Variants in AHCTF1 observed in about 807,000 individuals in gnomAD.
AHCTF1 encodes the protein protein ELYS.
Under a neutral mutation model 248.4 loss-of-function variants are expected in AHCTF1, and 24 were observed. That is an observed-to-expected ratio of 0.10 (90% CI 0.07 to 0.14). The LOEUF is 0.14. AHCTF1 is among the 10% of genes least tolerant of loss of function. AHCTF1 has a pLI of 1.00. For missense variants in AHCTF1, 2,206 were observed against 2,636.2 expected (o/e 0.84, Z 3.57); for synonymous variants, 786 against 929.8 (o/e 0.85, Z 2.81).
At position 246,840,230 on chromosome 1, in the gene AHCTF1, A is replaced by C. The variant is rs1325981548; in HGVS notation, c.*576T>G. ...AACATTATAGTTAACCAATACTTGG[A>C]TTATTCATTTGAGGTAGATTACACA... On this transcript the variant is annotated 3_prime_UTR_variant, in exon 36 of 36. Coordinates refer to ENST00000648844, the MANE Select transcript of AHCTF1 (RefSeq NM_001323342.2). The C allele has an allele frequency of 6.6e-6, 1 of 152,662 alleles. No homozygotes were observed. The highest frequency in any genetic ancestry group is 2.4e-5 in the African/African-American group (1 of 41,460). The allele number at this position is 152,662 out of a possible 1,614,324, so 9.5% of individuals were successfully genotyped here.
At chr1:246,884,655 CTATG>C (rs57811947) in intron 21 of AHCTF1, among the ~76,000 whole-genome samples, 40,081 of 151,838 alleles carry the variant, frequency 0.26, 5,378 homozygotes, top group Admixed American at 0.3. Context: ...CTCACAGTTA[CTATG>C]TGAGACTGTA....
chr1:246,900,560 T>C, intron 8 of AHCTF1, 91 bp from the exon 9 acceptor site: 1 of 1,359,946 alleles, frequency 7.4e-7, no homozygotes. Flanking sequence ...TCTCATAAAT[T>C]AAGCGGTTTA....
intron 14 of AHCTF1, among the ~76,000 whole-genome samples, chr1:246,893,649 G>C (rs1664368814): frequency 6.6e-6 from 1 of 152,116 alleles, no homozygotes; most frequent in African/African-American, 2.4e-5. Context: ...CAATAATAAC[G>C]ACATCTATCC....
intron 1 of AHCTF1, among the ~76,000 whole-genome samples, chr1:246,923,677 G>C (rs1666733231): frequency 6.6e-6 from 1 of 152,212 alleles, no homozygotes; most frequent in South Asian, 2.1e-4. Flanking sequence ...TGAAGTGGTG[G>C]AAGTGACACA....
chr1:246,931,089 G>A, intron 1 of AHCTF1: 2 of 1,546,282 alleles, frequency 1.3e-6, no homozygotes, highest in Non-Finnish European at 1.7e-6. Flanking sequence ...CCTCACGGCT[G>A]AGCCCCGAGT....
At chr1:246,859,281 C>T (rs1418405031) in intron 29 of AHCTF1, among the ~76,000 whole-genome samples, 1 of 152,122 alleles carries the variant, frequency 6.6e-6, no homozygotes, top group African/African-American at 2.4e-5. Context: ...CTTTAAATAA[C>T]CTTGTTAAAA....
chr1:246,857,957 C>T (rs1661221379), intron 29 of AHCTF1, 143 bp from the exon 30 acceptor site: 4 of 454,914 alleles, frequency 8.8e-6, no homozygotes, highest in Non-Finnish European at 1.0e-5. Context: ...ACTGCTAACA[C>T]TTTCTTCTTT....
intron 24 of AHCTF1, among the ~76,000 whole-genome samples, chr1:246,869,088 C>A (rs550750308): frequency 1.1e-4 from 17 of 151,188 alleles, no homozygotes; most frequent in Non-Finnish European, 1.0e-4. Context: ...TCGTGATCCG[C>A]CCGCCTTGGC....
intron 31 of AHCTF1, among the ~76,000 whole-genome samples, chr1:246,853,574 T>C (rs1321031618): frequency 1.3e-5 from 2 of 152,228 alleles, no homozygotes; most frequent in Admixed American, 1.3e-4. Flanking sequence ...TTCAGGTGCT[T>C]GTTCCTTATT....
intron 1 of AHCTF1, among the ~76,000 whole-genome samples, chr1:246,928,691 G>A (rs1040960840): frequency 1.3e-5 from 2 of 152,124 alleles, no homozygotes; most frequent in East Asian, 3.9e-4. Context: ...TGCAGTAACT[G>A]AATTCCACCA....
chr1:246,918,413 A>G (rs375335803), intron 1 of AHCTF1, 36 bp from the exon 2 acceptor site: 13 of 1,572,226 alleles, frequency 8.3e-6, no homozygotes, highest in Non-Finnish European at 1.1e-5. Flanking sequence ...TTATTATGAC[A>G]CATTTGTAGA....
At chr1:246,902,895 A>G (rs1440216006) in intron 7 of AHCTF1, among the ~76,000 whole-genome samples, 1 of 152,216 alleles carries the variant, frequency 6.6e-6, no homozygotes, top group African/African-American at 2.4e-5. Context: ...CAAGTCTTCT[A>G]AAGTTATTTA....
chr1:246,872,692 C>T (rs1662682709), intron 24 of AHCTF1, among the ~76,000 whole-genome samples: 1 of 152,186 alleles, frequency 6.6e-6, no homozygotes, highest in African/African-American at 2.4e-5. Flanking sequence ...AAAGCTCCTT[C>T]CCATCGCACT....
Position 246,894,675 on chromosome 1 carries a change from C to T in AHCTF1, c.1788G>A (p.Glu596=), listed in dbSNP as rs756889770. 5.6e-6 allele frequency: 9 copies of T among 1,612,676 alleles called. No individual in the cohort carries two copies. Among genetic ancestry groups the T allele is most frequent in the East Asian group, 4.5e-5 (2 of 44,870 alleles). ...WTWNKVVLTK[E]EFDRLCVPLF... is the part of the protein sequence containing the mutation. ...AATACTTACATAGTCTGTCAAATTC[C>T]TCTTTTGTGAGAACCACTTTATTCC... Residue 596 remains glutamate, a synonymous_variant, in exon 14 of 36, where the codon GAG becomes GAA. Coordinates refer to ENST00000648844, the MANE Select transcript of AHCTF1 (RefSeq NM_001323342.2).
chr1:246,900,387 C>G lies in AHCTF1; in HGVS notation c.1200G>C (p.Gly400=). The change falls in exon 9 of 36, where the codon GGG becomes GGC. Residue 400 remains glycine (G), a synonymous_variant. Transcript: ENST00000648844. ...GATACCAACGATTTATATCAAAAAG[C>G]CCCAAATATACAGAAGGCTTTCCCT... ...YGQGKPSVYL[G]LFDINRWYHA... 1 of 1,597,966 alleles carries G rather than the reference C, an allele frequency of 6.3e-7. No homozygotes were observed. Among genetic ancestry groups the G allele is most frequent in the Non-Finnish European group, 8.5e-7 (1 of 1,176,690 alleles).
intron 21 of AHCTF1, among the ~76,000 whole-genome samples, chr1:246,883,329 A>C (rs1430332833): frequency 6.6e-6 from 1 of 152,244 alleles, no homozygotes; most frequent in Non-Finnish European, 1.5e-5. Context: ...TATACTGATT[A>C]AACACTGCTG....
intron 31 of AHCTF1, among the ~76,000 whole-genome samples, chr1:246,854,962 T>TTTTACTTTAC (rs10635304): frequency 2.6e-5 from 4 of 151,768 alleles, no homozygotes; most frequent in African/African-American, 9.7e-5. Context: ...GTGATCGGCT[T>TTTTACTTTAC]TTTACATGTT....
At chr1:246,872,179 A>G (rs1339388707) in intron 24 of AHCTF1, among the ~76,000 whole-genome samples, 3 of 152,164 alleles carry the variant, frequency 2.0e-5, no homozygotes, top group African/African-American at 7.2e-5. Flanking sequence ...TTAGTTACTA[A>G]AGATACCTGA....
intron 1 of AHCTF1, among the ~76,000 whole-genome samples, chr1:246,923,841 G>A (rs1354164664): frequency 6.6e-6 from 1 of 152,198 alleles, no homozygotes; most frequent in East Asian, 1.9e-4. Context: ...TGTGTGTGGG[G>A]TGAAGTGAAA....
Sources: gnomAD v4.1 joint callset for allele counts (sites outside exome capture counted in the v4.1 genomes callset) on GRCh38, gnomAD v4.1.1 for gene constraint, MANE v1.5 for transcripts, NCBI Gene and HGNC (gene_info 2026-07-23, HGNC 2026-07-21) for gene names.